Variants in GPC6 observed in about 807,000 individuals in gnomAD.
The protein encoded by GPC6 is glypican-6.
A neutral mutation model predicts 55.2 loss-of-function variants in GPC6; 14 were observed. The ratio of observed to expected loss-of-function variants is 0.25; its 90% CI spans 0.17 to 0.40. The LOEUF (loss-of-function observed/expected upper bound fraction) is 0.40. Ranked by LOEUF, GPC6 falls within the 10% of genes least tolerant of loss-of-function variation. GPC6 has a pLI of 1.00. For missense variants in GPC6, 641 were observed against 708.5 expected, an observed-to-expected ratio of 0.90 and a Z score of 1.08; for synonymous variants, 278 against 259.6, an observed-to-expected ratio of 1.07 and a Z score of -0.68.
rs191896287 is a variant in GPC6 at position 93,921,102 on chromosome 13, T to C, written c.711+90557T>C. Among the ~76,000 whole-genome samples, 156 of 152,286 alleles carry C rather than the reference T, an allele frequency of 1.0e-3. 1 individual carries two copies. The highest frequency in any genetic ancestry group is 3.2e-4 in the Non-Finnish European group (22 of 68,016). ...CAGAAAACCCTAGCTCTCCACCTAT[T>C]TGCATTTTTAAAAAGTCACTCTAGG... On this transcript the variant is annotated intron_variant, in intron 3 of 8. Coordinates refer to ENST00000377047, the MANE Select transcript of GPC6 (RefSeq NM_005708.5).
At chr13:94,158,161 T>TA (rs1453953388) in intron 4 of GPC6, among the ~76,000 whole-genome samples, 1 of 152,194 alleles carries the variant, frequency 6.6e-6, no homozygotes, top group Non-Finnish European at 1.5e-5. Context: ...TGAGAAATGA[T>TA]ACGCAACCTC....
intron 3 of GPC6, among the ~76,000 whole-genome samples, chr13:93,905,718 A>T (rs1876630552): frequency 6.6e-6 from 1 of 152,346 alleles, no homozygotes; most frequent in Non-Finnish European, 1.5e-5. Flanking sequence ...AGGTGAGAAT[A>T]ATCCAATTTG....
intron 1 of GPC6, among the ~76,000 whole-genome samples, chr13:93,492,809 T>G (rs1423634463): frequency 6.6e-6 from 1 of 150,938 alleles, no homozygotes; most frequent in African/African-American, 2.4e-5. Context: ...GCTCTGTTTA[T>G]ATGCTGGATT....
intron 4 of GPC6, among the ~76,000 whole-genome samples, chr13:94,161,745 A>T (rs12586104): frequency 6.6e-6 from 1 of 152,246 alleles, no homozygotes; most frequent in South Asian, 2.1e-4. Flanking sequence ...AAAAAAACCA[A>T]CTCAAACTGG....
Position 94,403,131 on chromosome 13 carries a change from G to C in GPC6, c.1582G>C (p.Asp528His), listed in dbSNP as rs1266676912. The C allele has an allele frequency of 1.2e-6, 2 of 1,613,856 alleles. 1 individual carries two copies. The highest frequency in any genetic ancestry group is 3.3e-5 in the Admixed American group (2 of 60,012). The change falls in exon 9 of 9, where the codon GAC becomes CAC. Residue 528 changes from aspartate (D) to histidine (H), a missense_variant. Asp to His is a moderately conservative substitution (Grantham distance 81). Coordinates refer to ENST00000377047, the MANE Select transcript of GPC6 (RefSeq NM_005708.5). ...PAVDPDRREV[D>H]SSAAQRGHSL... ...AGTGGATCCCGACCGGAGAGAGGTG[G>C]ACTCTTCTGCAGCCCAGCGTGGCCA...
At chr13:93,331,361 T>C (rs1398193816) in intron 1 of GPC6, among the ~76,000 whole-genome samples, 1 of 152,206 alleles carries the variant, frequency 6.6e-6, no homozygotes, top group Non-Finnish European at 1.5e-5. Flanking sequence ...ATTTTCCTTT[T>C]TCTATTATAT....
At chr13:93,927,495 A>T (rs759964180) in intron 3 of GPC6, among the ~76,000 whole-genome samples, 1 of 152,130 alleles carries the variant, frequency 6.6e-6, no homozygotes, top group Admixed American at 6.5e-5. Context: ...ACACGTTCCT[A>T]TAGTGGTTTG....
intron 2 of GPC6, 122 bp from the exon 3 acceptor site, chr13:93,830,032 T>C: frequency 3.0e-6 from 2 of 670,674 alleles, no homozygotes; most frequent in South Asian, 1.9e-5. Context: ...CATTAACACC[T>C]TAATCACAGG....
intron 1 of GPC6, among the ~76,000 whole-genome samples, chr13:93,451,884 C>T (rs1878239066): frequency 6.6e-6 from 1 of 152,094 alleles, no homozygotes; most frequent in African/African-American, 2.4e-5. Flanking sequence ...TTTCTAATAT[C>T]TATGATACCA....
At chr13:93,470,089 A>G (rs1365341690) in intron 1 of GPC6, among the ~76,000 whole-genome samples, 3 of 152,014 alleles carry the variant, frequency 2.0e-5, no homozygotes, top group Non-Finnish European at 2.9e-5. Context: ...TTTTTTGGTA[A>G]TTCTAGATCT....
At chr13:94,169,648 G>A (rs533922406) in intron 4 of GPC6, among the ~76,000 whole-genome samples, 1 of 152,252 alleles carries the variant, frequency 6.6e-6, no homozygotes, top group Non-Finnish European at 1.5e-5. Flanking sequence ...ATATTAGAAA[G>A]CACTGCTACA....
chr13:93,563,081 T>C (rs916749378), intron 2 of GPC6, among the ~76,000 whole-genome samples: 18 of 152,202 alleles, frequency 1.2e-4, no homozygotes, highest in African/African-American at 4.3e-4. Flanking sequence ...TATGGCTTTT[T>C]CCATTTCCTG....
chr13:93,236,663 A>T (rs1876244637), intron 1 of GPC6, among the ~76,000 whole-genome samples: 1 of 152,120 alleles, frequency 6.6e-6, no homozygotes, highest in Admixed American at 6.6e-5. Context: ...CTGAGGTGAA[A>T]CAGTTTCATA....
intron 2 of GPC6, among the ~76,000 whole-genome samples, chr13:93,549,293 A>T (rs982526162): frequency 6.6e-6 from 1 of 152,104 alleles, no homozygotes; most frequent in East Asian, 1.9e-4. Flanking sequence ...ATCTTTGTGT[A>T]CTCACTCATT....
intron 1 of GPC6, among the ~76,000 whole-genome samples, chr13:93,474,307 C>T (rs1335848868): frequency 6.6e-6 from 1 of 152,130 alleles, no homozygotes; most frequent in Non-Finnish European, 1.5e-5. Context: ...ATTCACTTCT[C>T]AAGGTTTTTA....
intron 4 of GPC6, among the ~76,000 whole-genome samples, chr13:94,126,073 A>G (rs1886797723): frequency 6.6e-6 from 1 of 152,154 alleles, no homozygotes; most frequent in African/African-American, 2.4e-5. Context: ...CGAGATTAAG[A>G]CTACTCAAAT....
At chr13:94,124,607 G>C (rs1484674147) in intron 4 of GPC6, among the ~76,000 whole-genome samples, 1 of 152,018 alleles carries the variant, frequency 6.6e-6, no homozygotes, top group Admixed American at 6.6e-5. Context: ...AGTAAAAGGG[G>C]GAAACGGGTC....
intron 1 of GPC6, among the ~76,000 whole-genome samples, chr13:93,539,244 G>T (rs904786594): frequency 2.0e-5 from 3 of 152,028 alleles, no homozygotes; most frequent in African/African-American, 7.2e-5. Context: ...CTATCCTAGG[G>T]TCTTTAGCTC....
chr13:93,605,451 T>C (rs1878197094), intron 2 of GPC6, among the ~76,000 whole-genome samples: 1 of 152,206 alleles, frequency 6.6e-6, no homozygotes, highest in Admixed American at 6.5e-5. Context: ...GTAGATCTGC[T>C]GATTTCTATA....
Sources: allele counts gnomAD v4.1 joint callset (sites outside exome capture counted in the v4.1 genomes callset), GRCh38; gene constraint gnomAD v4.1.1; transcripts MANE v1.5; gene names NCBI Gene and HGNC (gene_info 2026-07-23, HGNC 2026-07-21).